Variants in PLCZ1 observed in about 807,000 individuals in gnomAD.
PLCZ1 encodes the protein phospholipase C zeta 1.
A neutral mutation model predicts 76.8 loss-of-function variants in PLCZ1; 64 were observed. That is an observed-to-expected ratio of 0.83 (90% CI 0.68 to 1.03). The LOEUF (loss-of-function observed/expected upper bound fraction) is 1.03, where lower values mean the gene tolerates loss of function less well. Ranked by LOEUF, PLCZ1 falls within the 50% of genes least tolerant of loss-of-function variation. PLCZ1 has a pLI of 0.00. For missense variants in PLCZ1, 751 were observed against 713.7 expected (o/e 1.05, Z -0.60); for synonymous variants, 248 against 230.8 (o/e 1.07, Z -0.68).
intron 3 of PLCZ1, among the ~76,000 whole-genome samples, chr12:18,726,774 A>G (rs1433098700): frequency 6.6e-6 from 1 of 152,198 alleles, no homozygotes; most frequent in East Asian, 1.9e-4. Flanking sequence ...AGTTGGTTGT[A>G]TCTAAAATTA....
rs11324526 is a variant in PLCZ1 at position 18,700,512 on chromosome 12, C to CAAAAAAAAAAA, written c.1018-573_1018-563dup. ...GCATAACCAGATCAGAGCCAACGTACAAAAAAAAAAAAAAAAAAAAAAAAT... is the reference window on the plus strand; with the variant it reads ...GCATAACCAGATCAGAGCCAACGTACAAAAAAAAAAAAAAAAAAAAAAAAAAAAAAAAAAAT... On this transcript the variant is annotated intron_variant, in intron 9 of 14. Transcript: ENST00000266505. Among the ~76,000 whole-genome samples, 223 of 67,840 alleles carry CAAAAAAAAAAA rather than the reference C, an allele frequency of 3.3e-3. 19 individuals carry two copies. The highest frequency in any genetic ancestry group is 5.4e-3 in the East Asian group (10 of 1,854). 44.5% of individuals were successfully genotyped at this position (67,840 alleles called of 152,430 possible).
In PLCZ1 at chr12:18,736,401, T is replaced by C; in HGVS notation, c.12-57A>G. 1.3e-6 allele frequency: 2 copies of C among 1,549,252 alleles called. 1 individual carries two copies. The highest frequency in any genetic ancestry group is 1.8e-6 in the Non-Finnish European group (2 of 1,135,752). ...ACAGAAAGTCATTGAATATTTAAAA[T>C]TCCTAAAGAAACATTTGATTTACTG... On this transcript the variant is annotated intron_variant, in intron 2 of 14. Transcript: ENST00000266505.
intron 6 of PLCZ1, among the ~76,000 whole-genome samples, chr12:18,706,756 GATT>G (rs1956657311): frequency 2.0e-5 from 3 of 152,184 alleles, no homozygotes; most frequent in Admixed American, 6.5e-5. Context: ...GAACAGGGTC[GATT>G]ATTACTATGT....
chr12:18,664,528 A>G, the PLCZ1 span, among the ~76,000 whole-genome samples: 1 of 152,166 alleles, frequency 6.6e-6, no homozygotes, highest in Admixed American at 6.5e-5. Context: ...ACAAAAAGAT[A>G]AAGTATGATT....
the PLCZ1 span, chr12:18,647,919 T>G: frequency 4.4e-6 from 7 of 1,597,198 alleles, no homozygotes; most frequent in Non-Finnish European, 6.0e-6. Context: ...CATGTCTTAA[T>G]GCTTATTGTG....
At chr12:18,686,872 T>C (rs977279020) in intron 13 of PLCZ1, among the ~76,000 whole-genome samples, 21 of 152,092 alleles carry the variant, frequency 1.4e-4, no homozygotes, top group Admixed American at 7.2e-4. Flanking sequence ...ATGAACCAAA[T>C]TGAATTTCTG....
the PLCZ1 span, among the ~76,000 whole-genome samples, chr12:18,653,815 A>T: frequency 4.6e-5 from 7 of 152,276 alleles, no homozygotes; most frequent in African/African-American, 1.4e-4. Flanking sequence ...AAAATAAAAT[A>T]TAGGAACTCT....
chr12:18,718,143 A>G (rs912329166), intron 5 of PLCZ1, among the ~76,000 whole-genome samples: 6 of 152,158 alleles, frequency 3.9e-5, no homozygotes, highest in Non-Finnish European at 8.8e-5. Context: ...TGTTTGGTAG[A>G]TTAGATATAC....
intron 7 of PLCZ1, among the ~76,000 whole-genome samples, chr12:18,704,158 A>G (rs966627520): frequency 2.0e-5 from 3 of 152,256 alleles, no homozygotes; most frequent in Admixed American, 2.0e-4. Context: ...TGTTAATGAG[A>G]GGACAACCAG....
At chr12:18,714,397 T>A (rs1336935655) in intron 5 of PLCZ1, among the ~76,000 whole-genome samples, 2 of 152,112 alleles carry the variant, frequency 1.3e-5, no homozygotes, top group Non-Finnish European at 2.9e-5. Flanking sequence ...AAAACATGTT[T>A]GACATAAACT....
chr12:18,661,697 G>A, the PLCZ1 span, among the ~76,000 whole-genome samples: 1 of 152,056 alleles, frequency 6.6e-6, no homozygotes, highest in Non-Finnish European at 1.5e-5. Flanking sequence ...ACTGCTGGTG[G>A]GAAAGAAATT....
At chr12:18,680,883 T>G (rs1213842813), downstream of PLCZ1, among the ~76,000 whole-genome samples, 1 of 152,092 alleles carries the variant, frequency 6.6e-6, no homozygotes, top group African/African-American at 2.4e-5. Flanking sequence ...GTCAATTCTA[T>G]GATTGGAGTA....
chr12:18,701,861 T>C, intron 7 of PLCZ1, 85 bp from the exon 8 acceptor site: 1 of 1,520,928 alleles, frequency 6.6e-7, no homozygotes, highest in South Asian at 1.2e-5. Context: ...TTCACTATAT[T>C]TCCAATTAGC....
At chr12:18,711,164 G>A (rs1385750265) in intron 6 of PLCZ1, among the ~76,000 whole-genome samples, 1 of 151,934 alleles carries the variant, frequency 6.6e-6, no homozygotes, top group Non-Finnish European at 1.5e-5. Flanking sequence ...ACTGGATTAA[G>A]AAAATGGGGA....
chr12:18,671,084 GGAGAATTACTT>G, the PLCZ1 span, among the ~76,000 whole-genome samples: 3 of 151,652 alleles, frequency 2.0e-5, no homozygotes, highest in East Asian at 5.8e-4. Context: ...GGCTGAGGCA[GGAGAATTACTT>G]GAGCCTGGGA....
Position 18,715,192 on chromosome 12 carries a change from GGAGAGAGA to G in PLCZ1, c.570-2214_570-2207del, listed in dbSNP as rs140208258. Among the ~76,000 whole-genome samples the G allele has an allele frequency of 1.6e-3, 14 of 8,940 alleles. 1 individual carries two copies. Among genetic ancestry groups the G allele is most frequent in the African/African-American group, 3.6e-3 (11 of 3,050 alleles). 5.9% of individuals were successfully genotyped at this position (8,940 alleles called of 152,430 possible). On this transcript the variant is annotated intron_variant, in intron 5 of 14. Coordinates refer to ENST00000266505, the MANE Select transcript of PLCZ1 (RefSeq NM_033123.4). ...GTGGGGGGGGGGGGGGCGGAGGGAG[GGAGAGAGA>G]GAGAGAGAGAGAGAGAGAGAGAGAC...
At chr12:18,680,720 A>G (rs766691257), downstream of PLCZ1, among the ~76,000 whole-genome samples, 19 of 152,090 alleles carry the variant, frequency 1.2e-4, no homozygotes, top group Non-Finnish European at 2.5e-4. Flanking sequence ...TGCTCACTAC[A>G]AAAGGAGACA....
At chr12:18,681,283 G>A (rs1002856636), downstream of PLCZ1, among the ~76,000 whole-genome samples, 2 of 151,992 alleles carry the variant, frequency 1.3e-5, no homozygotes, top group African/African-American at 2.4e-5. Context: ...GCAGAACACG[G>A]ATGGCTTCCC....
chr12:18,677,307 G>A, the PLCZ1 span, among the ~76,000 whole-genome samples: 1 of 152,116 alleles, frequency 6.6e-6, no homozygotes, highest in Non-Finnish European at 1.5e-5. Context: ...AGAAAGCTAA[G>A]CCAGGCACAC....
Sources: allele counts gnomAD v4.1 joint callset (sites outside exome capture counted in the v4.1 genomes callset), GRCh38; gene constraint gnomAD v4.1.1; transcripts MANE v1.5; gene names NCBI Gene and HGNC (gene_info 2026-07-23, HGNC 2026-07-21).